The following AP5M1 variants were observed in gnomAD, a reference collection of about 807,000 sequenced individuals.
The protein encoded by AP5M1 is AP-5 complex subunit mu-1.
A neutral mutation model predicts 52.3 loss-of-function variants in AP5M1; 44 were observed. The observed-to-expected ratio is 0.84, with a 90% CI of 0.66 to 1.08. AP5M1 has a LOEUF of 1.08. Among genes scored for constraint, AP5M1 ranks in the 50% least tolerant of loss-of-function variants. The pLI, the probability that AP5M1 is intolerant of heterozygous loss-of-function variation, is 0.00. For missense variants in AP5M1, 526 were observed against 568.4 expected (o/e 0.93, Z 0.76); for synonymous variants, 213 against 199.0 (o/e 1.07, Z -0.59).
intron 2 of AP5M1, among the ~76,000 whole-genome samples, chr14:57,279,179 G>A (rs190354324): frequency 6.6e-6 from 1 of 152,126 alleles, no homozygotes; most frequent in African/African-American, 2.4e-5. Context: ...CCATTATTGG[G>A]TATATACCCA....
chr14:57,274,997 G>T, intron 2 of AP5M1, 108 bp downstream of exon 2: 1 of 1,335,342 alleles, frequency 7.5e-7, no homozygotes. Flanking sequence ...ATCTTAAGCA[G>T]CAGTTTTTAA....
chr14:57,281,109 T>C (rs1885164130), intron 3 of AP5M1, among the ~76,000 whole-genome samples: 1 of 152,152 alleles, frequency 6.6e-6, no homozygotes. Context: ...GAATAATTGC[T>C]TGTGTGTCAG....
At chr14:57,284,999 A>C (rs947479197) in intron 6 of AP5M1, among the ~76,000 whole-genome samples, 2 of 152,190 alleles carry the variant, frequency 1.3e-5, no homozygotes, top group African/African-American at 4.8e-5. Flanking sequence ...GAGAACAAAT[A>C]GTTGAGGCAG....
chr14:57,278,911 A>C (rs1392829885), intron 2 of AP5M1, among the ~76,000 whole-genome samples: 1 of 152,220 alleles, frequency 6.6e-6, no homozygotes. Flanking sequence ...ACATACATGC[A>C]GCCAAAAAAC....
chr14:57,274,792 A>G lies in AP5M1; in HGVS notation c.623A>G (p.Gln208Arg), dbSNP rs1162106099. Residue 208 changes from glutamine to arginine, a missense_variant, in exon 2 of 8, where the codon CAA becomes CGA. Gln to Arg is a conservative substitution (Grantham distance 43). Around this residue, in one of 3 missense-constraint regions of AP5M1, gnomAD observed 425 missense variants for 430.6 expected, o/e 0.99. Transcript: ENST00000261558. ...ACTGGGACGTACAAAGGAAAACCAC[A>G]AGTTTCTATTTCTATCACTGAAAAG... The part of the protein sequence containing the change: ...WKTGTYKGKP[Q>R]VSISITEKVK... 6.2e-7 allele frequency: 1 copy of G among 1,614,196 alleles called. No individual in the cohort carries two copies. The highest frequency in any genetic ancestry group is 1.7e-5 in the Admixed American group (1 of 60,026).
Position 57,295,718 on chromosome 14 carries a change from A to T in AP5M1, c.*6834A>T, listed in dbSNP as rs557201742. On this transcript the variant is annotated 3_prime_UTR_variant, in exon 8 of 8. Transcript: ENST00000261558. Reference sequence around the variant, plus strand: ...TGTCTCTAGGAAATATATTCCATTAAAAAAAAAAAGAAAGAAACTCATTTA... The same window carrying T: ...TGTCTCTAGGAAATATATTCCATTATAAAAAAAAAGAAAGAAACTCATTTA... 1.7e-3 allele frequency: 249 copies of T among 147,048 alleles called. No homozygotes were observed. The highest frequency in any genetic ancestry group is 5.7e-3 in the African/African-American group (226 of 39,556). 9.1% of individuals were successfully genotyped at this position (147,048 alleles called of 1,614,324 possible). A position where few individuals can be genotyped will look rare whatever the true frequency, so the allele number is the denominator to read the frequency against.
Position 57,280,339 on chromosome 14 carries a change from G to T in AP5M1, c.865G>T (p.Asp289Tyr), listed in dbSNP as rs1449092570. ...GACTTCTAGTAGTATTGATGCAATG[G>T]ATGACTCTGCATTTAGTGGGCCTTA... is the stretch of plus-strand genomic sequence containing the variant. ...ILTSSSIDAM[D>Y]DSAFSGPYKF... is the part of the protein sequence containing the mutation. Residue 289 changes from aspartate (D) to tyrosine (Y), a missense_variant, in exon 3 of 8, where the codon GAT becomes TAT. Around this residue, in one of 3 missense-constraint regions of AP5M1, gnomAD observed 425 missense variants for 430.6 expected, o/e 0.99. Transcript: ENST00000261558. 3 of 1,613,894 alleles carry T rather than the reference G, an allele frequency of 1.9e-6. No homozygotes were observed. The highest frequency in any genetic ancestry group is 3.3e-5 in the Admixed American group (2 of 60,024).
chr14:57,295,166 T>G lies in AP5M1; in HGVS notation c.*6282T>G, dbSNP rs1318699312. 6.6e-6 allele frequency: 1 copy of G among 151,884 alleles called. No homozygotes were observed. Among genetic ancestry groups the G allele is most frequent in the African/African-American group, 2.4e-5 (1 of 41,410 alleles). The allele number at this position is 151,884 out of a possible 1,614,324, so 9.4% of individuals were successfully genotyped here. A position where few individuals can be genotyped will look rare whatever the true frequency, so the allele number is the denominator to read the frequency against. Reference sequence around the variant, plus strand: ...AGGACATAGGAGTGCATTTTTTATATGAAACCAGAACTGGAGTGGTAATGG... The same window carrying G: ...AGGACATAGGAGTGCATTTTTTATAGGAAACCAGAACTGGAGTGGTAATGG... On this transcript the variant is annotated 3_prime_UTR_variant, in exon 8 of 8. Transcript: ENST00000261558.
At position 57,298,444 on chromosome 14, in the gene AP5M1, A is replaced by AG. The variant is rs1885596501; in HGVS notation, c.*9560_*9561insG. On this transcript the variant is annotated 3_prime_UTR_variant, in exon 8 of 8. Coordinates refer to ENST00000261558, the MANE Select transcript of AP5M1 (RefSeq NM_018229.4). The stretch of plus-strand genomic sequence containing the variant: ...TGGGTGGTCCTGGATAAATTACTTA[A>AG]CCTCTGTGGTCTTCAGTTTCCTCCC... The AG allele has an allele frequency of 6.6e-6, 1 of 152,092 alleles. No homozygotes were observed. Among genetic ancestry groups the AG allele is most frequent in the East Asian group, 1.9e-4 (1 of 5,186 alleles). 9.4% of individuals were successfully genotyped at this position (152,092 alleles called of 1,614,324 possible).
At chr14:57,283,982 G>A (rs1051623177) in intron 6 of AP5M1, among the ~76,000 whole-genome samples, 3 of 152,154 alleles carry the variant, frequency 2.0e-5, no homozygotes, top group African/African-American at 7.2e-5. Context: ...GTAAGACTCT[G>A]TCTCAAAAAC....
In AP5M1 at chr14:57,289,724, A is replaced by G. The variant is rs1012367691; in HGVS notation, c.*840A>G. The G allele has an allele frequency of 6.6e-6, 1 of 152,112 alleles. No individual in the cohort carries two copies. The highest frequency in any genetic ancestry group is 1.9e-4 in the East Asian group (1 of 5,178). 9.4% of individuals were successfully genotyped at this position (152,112 alleles called of 1,614,324 possible). A position where few individuals can be genotyped will look rare whatever the true frequency, so the allele number is the denominator to read the frequency against. The stretch of plus-strand genomic sequence containing the variant: ...CCTAATACTGCTCTTGCTGTGTCTT[A>G]TTAAGTTAAAATTAATGAATGAATT... On this transcript the variant is annotated 3_prime_UTR_variant, in exon 8 of 8. Transcript: ENST00000261558.
At position 57,294,221 on chromosome 14, in the gene AP5M1, A is replaced by T. The variant is rs1173155458; in HGVS notation, c.*5337A>T. On this transcript the variant is annotated 3_prime_UTR_variant, in exon 8 of 8. Coordinates refer to ENST00000261558, the MANE Select transcript of AP5M1 (RefSeq NM_018229.4). ...GCATTTACAGATGGACAAATGCTCCACACTAAAAACCACCTGCTGAATTTT... is the reference window on the plus strand; with the variant it reads ...GCATTTACAGATGGACAAATGCTCCTCACTAAAAACCACCTGCTGAATTTT... 6.6e-6 allele frequency: 1 copy of T among 151,866 alleles called. No homozygotes were observed. The highest frequency in any genetic ancestry group is 1.5e-5 in the Non-Finnish European group (1 of 67,834). 9.4% of individuals were successfully genotyped at this position (151,866 alleles called of 1,614,324 possible).
At position 57,289,607 on chromosome 14, in the gene AP5M1, C is replaced by T. The variant is rs1878798096; in HGVS notation, c.*723C>T. 6.6e-6 allele frequency: 1 copy of T among 151,918 alleles called. No individual in the cohort carries two copies. The highest frequency in any genetic ancestry group is 1.5e-5 in the Non-Finnish European group (1 of 67,930). 9.4% of individuals were successfully genotyped at this position (151,918 alleles called of 1,614,324 possible). ...ACATTTTGCTTAGGATGTCAGTAGCCATATTAAGATGTGTAGAATACCTTC... is the reference window on the plus strand; with the variant it reads ...ACATTTTGCTTAGGATGTCAGTAGCTATATTAAGATGTGTAGAATACCTTC... On this transcript the variant is annotated 3_prime_UTR_variant, in exon 8 of 8. Coordinates refer to ENST00000261558, the MANE Select transcript of AP5M1 (RefSeq NM_018229.4).
intron 6 of AP5M1, among the ~76,000 whole-genome samples, chr14:57,285,791 A>G (rs1885292306): frequency 6.6e-6 from 1 of 152,160 alleles, no homozygotes; most frequent in African/African-American, 2.4e-5. Context: ...GGGATAGAAG[A>G]GAATATAGGG....
intron 2 of AP5M1, among the ~76,000 whole-genome samples, chr14:57,276,971 T>C (rs1885053797): frequency 6.6e-6 from 1 of 152,180 alleles, no homozygotes; most frequent in African/African-American, 2.4e-5. Flanking sequence ...TAAATGGAAA[T>C]AATCATCTTC....
chr14:57,274,629 A>G lies in AP5M1; in HGVS notation c.460A>G (p.Thr154Ala). The G allele has an allele frequency of 4.3e-6, 7 of 1,614,222 alleles. No individual in the cohort carries two copies. In the South Asian group the frequency reaches 7.7e-5, roughly 18 times the overall value. ...TCAAAAAAATGACTCTGAGCTGAAT[A>G]CAAAATTGAGCCAGTTGCCTGACTT... is the stretch of plus-strand genomic sequence containing the variant. The part of the protein sequence containing the change: ...SGQKNDSELN[T>A]KLSQLPDLLL... Residue 154 changes from threonine (T) to alanine (A), a missense_variant, in exon 2 of 8, where the codon ACA becomes GCA. Thr to Ala is a moderately conservative substitution (Grantham distance 58, BLOSUM62 0). Transcript: ENST00000261558.
At chr14:57,285,309 T>A (rs1395866013) in intron 6 of AP5M1, among the ~76,000 whole-genome samples, 1 of 152,208 alleles carries the variant, frequency 6.6e-6, no homozygotes, top group Non-Finnish European at 1.5e-5. Context: ...ACACATTCTA[T>A]GTCCTTCAAA....
chr14:57,281,852 G>A (rs1445027256), intron 3 of AP5M1, among the ~76,000 whole-genome samples: 2 of 152,162 alleles, frequency 1.3e-5, no homozygotes, highest in Admixed American at 6.5e-5. Flanking sequence ...GGGGAGCCTG[G>A]ACGAGCAAGT....
At position 57,271,728 on chromosome 14, in the gene AP5M1, C is replaced by T. The variant is rs111835824; in HGVS notation, c.74+2340C>T. Among the ~76,000 whole-genome samples the T allele has an allele frequency of 5.3e-4, 80 of 152,330 alleles. 1 individual carries two copies. The highest frequency in any genetic ancestry group is 1.9e-3 in the African/African-American group (77 of 41,576). ...TTGGGAATTTGTTGAAGTTTTTTCTCACCCATATTTCCCAAAAATATCTTC... is the reference window on the plus strand; with the variant it reads ...TTGGGAATTTGTTGAAGTTTTTTCTTACCCATATTTCCCAAAAATATCTTC... On this transcript the variant is annotated intron_variant, in intron 1 of 7. Coordinates refer to ENST00000261558, the MANE Select transcript of AP5M1 (RefSeq NM_018229.4).
Sources: gnomAD v4.1 joint callset for allele counts (sites outside exome capture counted in the v4.1 genomes callset) on GRCh38, gnomAD v4.1.1 for gene constraint, gnomAD v4.1.1 regional missense constraint, MANE v1.5 for transcripts, NCBI Gene and HGNC (gene_info 2026-07-23, HGNC 2026-07-21) for gene names.